NAV1: variants seen among roughly 807,000 people sequenced by gnomAD.
NAV1 encodes the protein pore membrane and/or filament interacting like protein 3.
Under a neutral mutation model 175.2 loss-of-function variants are expected in NAV1, and 18 were observed. The observed-to-expected ratio is 0.10, with a 90% CI of 0.07 to 0.15. The LOEUF is 0.15. Among genes scored for constraint, NAV1 ranks in the 10% least tolerant of loss-of-function variants. NAV1 has a pLI of 1.00. For missense variants in NAV1, 1,731 were observed against 2,436.6 expected, an observed-to-expected ratio of 0.71 and a Z score of 6.10; for synonymous variants, 897 against 978.7, an observed-to-expected ratio of 0.92 and a Z score of 1.56.
rs776306727 is a variant in NAV1 at position 201,809,278 on chromosome 1, AGAGC to A, written c.4305+18_4305+21del. 1 of 1,612,228 alleles carries A rather than the reference AGAGC, an allele frequency of 6.2e-7. No homozygotes were observed. Among genetic ancestry groups the A allele is most frequent in the South Asian group, 1.1e-5 (1 of 91,024 alleles). ...ATCAAAGGGGTAAGGAACTTCAGGG[AGAGC>A]CACAGTGGGAATGAACAAATACTGT... On this transcript the variant is annotated intron_variant, in intron 21 of 29. Coordinates refer to ENST00000367296, the Ensembl canonical transcript of NAV1.
intron 2 of NAV1, among the ~76,000 whole-genome samples, chr1:201,592,738 A>C (rs1338967251): frequency 6.6e-6 from 1 of 152,078 alleles, no homozygotes; most frequent in Non-Finnish European, 1.5e-5. Context: ...AGAAAAGCAC[A>C]GGTCTTGGGG....
rs1050234669 is a variant in NAV1 at position 201,611,037 on chromosome 1, C to T, written c.-32-11816C>T. Among the ~76,000 whole-genome samples the T allele has an allele frequency of 4.6e-5, 7 of 152,060 alleles. No individual in the cohort carries two copies. The South Asian group carries it at 6.2e-4, about 14-fold the overall frequency. On this transcript the variant is annotated intron_variant, in intron 2 of 33. Transcript: ENST00000685211. ...ATTCAGAGCCAGGAGCCAGCCAGGC[C>T]GGCGCTGGGGATACTGAGCCCCACC...
chr1:201,697,133 C>A (rs1231695051), intron 1 of NAV1, among the ~76,000 whole-genome samples: 4 of 152,130 alleles, frequency 2.6e-5, no homozygotes, highest in African/African-American at 9.7e-5. Flanking sequence ...ATACCCAAGC[C>A]CTGGAGGGAG....
chr1:201,611,440 C>T (rs1667842268), intron 2 of NAV1, among the ~76,000 whole-genome samples: 1 of 152,184 alleles, frequency 6.6e-6, no homozygotes, highest in South Asian at 2.1e-4. Flanking sequence ...TATTGCAGTC[C>T]TGTCCCCAGC....
chr1:201,668,351 A>AT (rs913686676), intron 1 of NAV1, among the ~76,000 whole-genome samples: 11 of 152,170 alleles, frequency 7.2e-5, no homozygotes, highest in East Asian at 1.9e-4. Context: ...TTAAAAGGTG[A>AT]TTTTTTAAGG....
rs61404613 is a variant in NAV1, at chr1:201,800,817, CTTTT to C, written c.3518-2755_3518-2752del. On this transcript the variant is annotated intron_variant, in intron 15 of 29. Transcript: ENST00000367296. ...TTTTTTTAACTTCAACTTGGTGTAT[CTTTT>C]TTTTTTTTTTTTTTTTTTTTAGACA... Among the ~76,000 whole-genome samples, 28 of 90,798 alleles carry C rather than the reference CTTTT, an allele frequency of 3.1e-4. No individual in the cohort carries two copies. In the East Asian group the frequency reaches 7.7e-3, roughly 25 times the overall value. 59.6% of individuals were successfully genotyped at this position (90,798 alleles called of 152,430 possible).
chr1:201,591,942 T>G (rs1377702401), intron 2 of NAV1, among the ~76,000 whole-genome samples: 4 of 152,170 alleles, frequency 2.6e-5, no homozygotes. Context: ...GCCACCTGGA[T>G]AGAGCAACCC....
intron 3 of NAV1, among the ~76,000 whole-genome samples, chr1:201,736,469 A>G (rs1234458570): frequency 6.6e-6 from 1 of 152,232 alleles, no homozygotes; most frequent in African/African-American, 2.4e-5. Context: ...AGAGCCTCCC[A>G]TAAACTATCT....
At chr1:201,717,648 T>C (rs1672191519) in intron 2 of NAV1, among the ~76,000 whole-genome samples, 1 of 152,240 alleles carries the variant, frequency 6.6e-6, no homozygotes, top group African/African-American at 2.4e-5. Flanking sequence ...TCTGGTTCCC[T>C]GTGTCCTCTC....
chr1:201,813,620 T>C lies in NAV1; in HGVS notation c.5340+362T>C, dbSNP rs1272497509. On this transcript the variant is annotated intron_variant, in intron 28 of 29. Coordinates refer to ENST00000367296, the Ensembl canonical transcript of NAV1. This position sits in a 1 kb window ranked among gnomAD's most constrained non-coding sequence, Gnocchi z 4.2. ...CAAAACCTTAGCTACTTACTACTAA[T>C]AAGTATGTTATATTAACCAAGTTAC... is the stretch of plus-strand genomic sequence containing the variant. Among the ~76,000 whole-genome samples, 2 of 151,958 alleles carry C rather than the reference T, an allele frequency of 1.3e-5. No homozygotes were observed. Among genetic ancestry groups the C allele is most frequent in the African/African-American group, 2.4e-5 (1 of 41,368 alleles).
intron 1 of NAV1, among the ~76,000 whole-genome samples, chr1:201,696,445 G>C (rs12744392): frequency 6.6e-6 from 1 of 152,032 alleles, no homozygotes; most frequent in Admixed American, 6.5e-5. Context: ...ACAAAGCCCA[G>C]TGAGGAGAAA....
chr1:201,741,180 G>T (rs1020012611), intron 3 of NAV1, among the ~76,000 whole-genome samples: 4 of 152,162 alleles, frequency 2.6e-5, no homozygotes, highest in African/African-American at 9.7e-5. Flanking sequence ...TAAAAGCAAA[G>T]AATTGGGCAA....
At chr1:201,597,733 C>T (rs1284072907) in intron 2 of NAV1, among the ~76,000 whole-genome samples, 2 of 152,264 alleles carry the variant, frequency 1.3e-5, no homozygotes, top group Non-Finnish European at 2.9e-5. Flanking sequence ...CATGCTCCAC[C>T]TGCTTCCTGT....
chr1:201,697,030 A>G (rs1671221692), intron 1 of NAV1, among the ~76,000 whole-genome samples: 1 of 152,176 alleles, frequency 6.6e-6, no homozygotes, highest in East Asian at 1.9e-4. Flanking sequence ...AAAACTCTTC[A>G]GCACATCTTA....
intron 1 of NAV1, among the ~76,000 whole-genome samples, chr1:201,575,071 T>C (rs1666656921): frequency 6.6e-6 from 1 of 152,238 alleles, no homozygotes; most frequent in African/African-American, 2.4e-5. Context: ...TCAACCTAGA[T>C]GGTGCTTTCT....
intron 1 of NAV1, among the ~76,000 whole-genome samples, chr1:201,650,835 C>T (rs1669174799): frequency 6.6e-6 from 1 of 152,122 alleles, no homozygotes; most frequent in Non-Finnish European, 1.5e-5. Context: ...GCAGCCTTTT[C>T]CCCTGGGAGC....
Position 201,718,798 on chromosome 1 carries a change from A to T in NAV1, c.1226+43A>T. On this transcript the variant is annotated intron_variant, in intron 3 of 29. Transcript: ENST00000367296. This position sits in a 1 kb window ranked among gnomAD's most constrained non-coding sequence, Gnocchi z 4.8. The stretch of plus-strand genomic sequence containing the variant: ...TTGGATGGCGGGGGAGGATGGTGGA[A>T]AGACCACTGGGATGCGACGCCTTAA... 1 of 1,568,436 alleles carries T rather than the reference A, an allele frequency of 6.4e-7. No individual in the cohort carries two copies. The highest frequency in any genetic ancestry group is 1.2e-5 in the South Asian group (1 of 84,296).
intron 2 of NAV1, among the ~76,000 whole-genome samples, chr1:201,593,469 A>G (rs1456627106): frequency 6.6e-6 from 1 of 152,196 alleles, no homozygotes; most frequent in Non-Finnish European, 1.5e-5. Context: ...CTTTCCTGCA[A>G]TTAGTCTGGC....
In NAV1 at chr1:201,813,372, C is replaced by T. The variant is rs1678812391; in HGVS notation, c.5340+114C>T. On this transcript the variant is annotated intron_variant, in intron 28 of 29. Coordinates refer to ENST00000367296, the Ensembl canonical transcript of NAV1. The surrounding 1 kb of genome is among the most constrained non-coding windows in gnomAD (Gnocchi z 4.2). ...TACTAGGATTAGTTAGGTTCTCTTT[C>T]TAACAGGTGGAGCAAGGCACTGGGT... 23 of 717,644 alleles carry T rather than the reference C, an allele frequency of 3.2e-5. No homozygotes were observed. In the South Asian group the frequency reaches 3.6e-4, roughly 11 times the overall value. 44.5% of individuals were successfully genotyped at this position (717,644 alleles called of 1,614,324 possible). A position where few individuals can be genotyped will look rare whatever the true frequency, so the allele number is the denominator to read the frequency against.
Sources: allele counts gnomAD v4.1 joint callset (sites outside exome capture counted in the v4.1 genomes callset), GRCh38; gene constraint gnomAD v4.1.1; non-coding constraint Gnocchi (gnomAD v3.1); transcripts MANE v1.5; gene names NCBI Gene and HGNC (gene_info 2026-07-23, HGNC 2026-07-21).